ZC3H3: variants seen among roughly 807,000 people sequenced by gnomAD.
The protein encoded by ZC3H3 is zinc finger CCCH domain-containing protein 3.
In ZC3H3, 36 loss-of-function variants were observed where a neutral mutation model predicts 77.3. The ratio of observed to expected loss-of-function variants is 0.47; its 90% CI spans 0.36 to 0.61. ZC3H3 has a LOEUF of 0.61. Among genes scored for constraint, ZC3H3 ranks in the 20% least tolerant of loss-of-function variants. The probability of loss-of-function intolerance (pLI) is 0.00; values close to 1 mark genes in which losing one functional copy is unlikely to be tolerated. For missense variants in ZC3H3, 1,331 were observed against 1,312.2 expected (o/e 1.01, Z -0.22); for synonymous variants, 626 against 555.2 (o/e 1.13, Z -1.79).
intron 5 of ZC3H3, among the ~76,000 whole-genome samples, chr8:143,474,796 A>G (rs992654734): frequency 1.4e-4 from 21 of 152,258 alleles, no homozygotes; most frequent in African/African-American, 3.9e-4. Context: ...TTGTAGGATA[A>G]GTGAATCCAA....
At chr8:143,500,257 C>A (rs1821485986) in intron 4 of ZC3H3, among the ~76,000 whole-genome samples, 1 of 152,228 alleles carries the variant, frequency 6.6e-6, no homozygotes, top group African/African-American at 2.4e-5. Context: ...GTGGGCAGAG[C>A]CTGCCTGCTC....
At chr8:143,541,132 G>A (rs1822999594) in intron 1 of ZC3H3, among the ~76,000 whole-genome samples, 1 of 152,154 alleles carries the variant, frequency 6.6e-6, no homozygotes, top group East Asian at 1.9e-4. Context: ...ACTAAGCGAC[G>A]GCCCTGCCTC....
intron 4 of ZC3H3, among the ~76,000 whole-genome samples, chr8:143,489,914 A>G (rs1821155248): frequency 6.6e-6 from 1 of 152,142 alleles, no homozygotes; most frequent in Admixed American, 6.5e-5. Context: ...GAAAGTCAGG[A>G]AAGTGGTGGG....
intron 4 of ZC3H3, among the ~76,000 whole-genome samples, chr8:143,477,823 G>A (rs1394813982): frequency 6.6e-6 from 1 of 151,934 alleles, no homozygotes; most frequent in Non-Finnish European, 1.5e-5. Context: ...GGGGCTGGTG[G>A]CCAGGGTGCA....
chr8:143,511,029 G>A (rs756498876), intron 3 of ZC3H3, among the ~76,000 whole-genome samples: 4 of 152,246 alleles, frequency 2.6e-5, no homozygotes, highest in East Asian at 1.9e-4. Flanking sequence ...CGCAATGGAA[G>A]ACAAACTACA....
intron 11 of ZC3H3, among the ~76,000 whole-genome samples, chr8:143,439,584 G>A (rs915022097): frequency 2.6e-5 from 4 of 152,218 alleles, no homozygotes; most frequent in Non-Finnish European, 4.4e-5. Flanking sequence ...GGAGTGCGTG[G>A]TGATCTTCCA....
intron 9 of ZC3H3, among the ~76,000 whole-genome samples, chr8:143,461,257 T>C (rs1820254648): frequency 6.6e-6 from 1 of 152,166 alleles, no homozygotes; most frequent in African/African-American, 2.4e-5. Context: ...ACCCAGGTGC[T>C]CTGCGCATCC....
intron 3 of ZC3H3, among the ~76,000 whole-genome samples, chr8:143,524,216 G>A (rs1563878970): frequency 1.3e-5 from 2 of 152,240 alleles, no homozygotes; most frequent in African/African-American, 4.8e-5. Flanking sequence ...GGTGGGCTCT[G>A]AGCCCCACTC....
At chr8:143,497,059 C>A (rs1174327403) in intron 4 of ZC3H3, among the ~76,000 whole-genome samples, 2 of 152,238 alleles carry the variant, frequency 1.3e-5, no homozygotes, top group East Asian at 1.9e-4. Context: ...GAAAGCAATA[C>A]TGCAAATGCG....
chr8:143,449,023 C>A (rs934137314), intron 9 of ZC3H3, among the ~76,000 whole-genome samples: 1 of 152,256 alleles, frequency 6.6e-6, no homozygotes, highest in Admixed American at 6.5e-5. Flanking sequence ...TGAGCCACAG[C>A]TGGAGCTGGA....
intron 9 of ZC3H3, among the ~76,000 whole-genome samples, chr8:143,461,820 G>C (rs1327975716): frequency 6.6e-6 from 1 of 151,970 alleles, no homozygotes; most frequent in Non-Finnish European, 1.5e-5. Context: ...CGGGACTGAT[G>C]ATGAAAAGAG....
At chr8:143,483,855 T>C (rs73715624) in intron 4 of ZC3H3, among the ~76,000 whole-genome samples, 3,994 of 152,312 alleles carry the variant, frequency 0.026, 174 homozygotes, top group African/African-American at 0.091. Flanking sequence ...GTAGCTGCTG[T>C]TCAGCAGGGG....
intron 4 of ZC3H3, among the ~76,000 whole-genome samples, chr8:143,478,257 C>T (rs1820798267): frequency 6.6e-6 from 1 of 152,236 alleles, no homozygotes; most frequent in East Asian, 1.9e-4. Context: ...ACCACCCACT[C>T]ACTGTGTGGC....
At chr8:143,526,300 G>A (rs144892059) in intron 3 of ZC3H3, among the ~76,000 whole-genome samples, 4 of 152,350 alleles carry the variant, frequency 2.6e-5, no homozygotes, top group East Asian at 1.9e-4. Flanking sequence ...CCAGAGCTCA[G>A]CGGATGCCCA....
chr8:143,508,199 G>A (rs901297627), intron 3 of ZC3H3, among the ~76,000 whole-genome samples: 5 of 152,374 alleles, frequency 3.3e-5, no homozygotes, highest in Middle Eastern at 6.8e-3. Context: ...GGAGAAGCCA[G>A]GGGTCTGGCA....
chr8:143,489,766 C>T (rs1361885289), intron 4 of ZC3H3, among the ~76,000 whole-genome samples: 2 of 152,210 alleles, frequency 1.3e-5, no homozygotes, highest in East Asian at 1.9e-4. Flanking sequence ...GAGGCTCCCA[C>T]GCTGTTAAAT....
chr8:143,455,053 C>T (rs1331310779), intron 9 of ZC3H3, among the ~76,000 whole-genome samples: 2 of 149,984 alleles, frequency 1.3e-5, no homozygotes, highest in African/African-American at 4.9e-5. Flanking sequence ...TGGTGGCTTA[C>T]ACCTATAATC....
intron 3 of ZC3H3, among the ~76,000 whole-genome samples, chr8:143,513,905 T>C (rs528952527): frequency 3.9e-5 from 6 of 152,306 alleles, no homozygotes; most frequent in Admixed American, 2.0e-4. Context: ...TGAAGGGCTA[T>C]GGAGCAGCTG....
Position 143,474,884 on chromosome 8 carries a change from T to C in ZC3H3, c.1903+514A>G, listed in dbSNP as rs538076627. 2.1e-4 allele frequency among the ~76,000 whole-genome samples: 32 copies of C among 152,320 alleles called. 1 individual carries two copies. In the South Asian group the frequency reaches 6.2e-3, roughly 30 times the overall value. Reference sequence around the variant, plus strand: ...CGGCGCCGGCTGCCTCCAGACACAGTTGTCGAGGCGTCGCCAATGCGATTA... The same window carrying C: ...CGGCGCCGGCTGCCTCCAGACACAGCTGTCGAGGCGTCGCCAATGCGATTA... On this transcript the variant is annotated intron_variant, in intron 5 of 11. Coordinates refer to ENST00000262577, the MANE Select transcript of ZC3H3 (RefSeq NM_015117.3).
Sources: gnomAD v4.1 joint callset for allele counts (sites outside exome capture counted in the v4.1 genomes callset) on GRCh38, gnomAD v4.1.1 for gene constraint, MANE v1.5 for transcripts, NCBI Gene and HGNC (gene_info 2026-07-23, HGNC 2026-07-21) for gene names.